Variants in PTPRK observed in about 807,000 individuals in gnomAD.
PTPRK encodes the protein receptor-type tyrosine-protein phosphatase kappa.
Under a neutral mutation model 178.0 loss-of-function variants are expected in PTPRK, and 75 were observed. The observed-to-expected ratio is 0.42, with a 90% CI of 0.35 to 0.51. The LOEUF (loss-of-function observed/expected upper bound fraction) is 0.51, where lower values mean the gene tolerates loss of function less well. Ranked by LOEUF, PTPRK falls within the 20% of genes least tolerant of loss-of-function variation. The pLI is 0.02. For synonymous variants in PTPRK, 637 were observed against 620.6 expected (o/e 1.03, Z -0.39); for missense variants, 1,441 against 1,797.8 (o/e 0.80, Z 3.59).
intron 13 of PTPRK, among the ~76,000 whole-genome samples, chr6:128,029,846 T>C (rs919010497): frequency 6.6e-6 from 1 of 152,102 alleles, no homozygotes; most frequent in Non-Finnish European, 1.5e-5. Flanking sequence ...AGAAAGAATC[T>C]ATACTCTCAA....
intron 7 of PTPRK, among the ~76,000 whole-genome samples, chr6:128,132,205 C>T (rs1210314881): frequency 6.6e-6 from 1 of 152,120 alleles, no homozygotes; most frequent in Non-Finnish European, 1.5e-5. Flanking sequence ...GAGATGGAGT[C>T]TCACTGTCAC....
At chr6:128,068,099 C>T (rs548664559) in intron 11 of PTPRK, among the ~76,000 whole-genome samples, 19 of 152,228 alleles carry the variant, frequency 1.2e-4, no homozygotes, top group Non-Finnish European at 2.2e-4. Flanking sequence ...CTGACATTAA[C>T]CAAAGACACA....
rs573131282 is a variant in PTPRK at position 128,142,107 on chromosome 6, AGTATATGCATAT to A, written c.1162+42313_1162+42324del. ...TATACATACATATATGCATATGTCA[AGTATATGCATAT>A]GTATGTGTATATATACATAGACCAC... On this transcript the variant is annotated intron_variant, in intron 7 of 29. Transcript: ENST00000368226. Among the ~76,000 whole-genome samples, 590 of 152,050 alleles carry A rather than the reference AGTATATGCATAT, an allele frequency of 3.9e-3. 4 individuals are homozygous for A. Among genetic ancestry groups the A allele is most frequent in the African/African-American group, 0.013 (545 of 41,536 alleles).
intron 3 of PTPRK, among the ~76,000 whole-genome samples, chr6:128,299,603 G>C (rs1208917891): frequency 6.6e-6 from 1 of 151,674 alleles, no homozygotes; most frequent in Non-Finnish European, 1.5e-5. Context: ...ACAAACCTGA[G>C]AAAAACAAGC....
intron 1 of PTPRK, among the ~76,000 whole-genome samples, chr6:128,399,788 T>C (rs1283770362): frequency 1.3e-5 from 2 of 152,182 alleles, no homozygotes; most frequent in Non-Finnish European, 2.9e-5. Flanking sequence ...ACTACAGGAT[T>C]CTGATTAGCA....
intron 7 of PTPRK, among the ~76,000 whole-genome samples, chr6:128,111,446 A>T (rs1352618952): frequency 6.6e-6 from 1 of 152,180 alleles, no homozygotes; most frequent in Non-Finnish European, 1.5e-5. Flanking sequence ...AAGAGAAAAA[A>T]CAGACTAGCT....
At chr6:128,081,786 C>A (rs976265045) in intron 10 of PTPRK, among the ~76,000 whole-genome samples, 1 of 151,956 alleles carries the variant, frequency 6.6e-6, no homozygotes, top group Non-Finnish European at 1.5e-5. Context: ...TAACTCCTTG[C>A]AAGAATTTAA....
At chr6:128,256,925 A>C (rs955991145) in intron 3 of PTPRK, among the ~76,000 whole-genome samples, 3 of 152,134 alleles carry the variant, frequency 2.0e-5, no homozygotes, top group Non-Finnish European at 2.9e-5. Flanking sequence ...AGTTAGGAAG[A>C]ATAGAACAGA....
Position 128,294,944 on chromosome 6 carries a change from G to C in PTPRK, c.495+27095C>G, listed in dbSNP as rs1258801773. Among the ~76,000 whole-genome samples, 37 of 151,912 alleles carry C rather than the reference G, an allele frequency of 2.4e-4. 1 individual carries two copies. ...GAAACCATAGACTTTGAGGAACAAA[G>C]AGTAATTAAGAAAGACATATGGTTA... On this transcript the variant is annotated intron_variant, in intron 3 of 29. Transcript: ENST00000368226.
At chr6:128,278,300 G>A (rs1340268138) in intron 3 of PTPRK, among the ~76,000 whole-genome samples, 1 of 152,000 alleles carries the variant, frequency 6.6e-6, no homozygotes, top group Non-Finnish European at 1.5e-5. Flanking sequence ...GGGATTACAG[G>A]TGCACACCAC....
At chr6:128,079,089 A>G (rs1245714172) in intron 10 of PTPRK, among the ~76,000 whole-genome samples, 171 bp from the exon 11 acceptor site, 1 of 152,118 alleles carries the variant, frequency 6.6e-6, no homozygotes, top group Non-Finnish European at 1.5e-5. Context: ...CTGGGAACTT[A>G]AAATATCAAA....
chr6:128,306,431 C>T (rs2128314075), intron 3 of PTPRK, among the ~76,000 whole-genome samples: 1 of 152,158 alleles, frequency 6.6e-6, no homozygotes, highest in Non-Finnish European at 1.5e-5. Context: ...TGGGGCTAGA[C>T]AAGAAACAGA....
At chr6:128,005,607 G>C (rs1334728593) in intron 14 of PTPRK, among the ~76,000 whole-genome samples, 1 of 21,108 alleles carries the variant, frequency 4.7e-5, no homozygotes, top group East Asian at 1.4e-3. Flanking sequence ...TGATACTCCT[G>C]GGTAATTAAT....
chr6:128,006,114 C>T, intron 14 of PTPRK: 1 of 1,265,828 alleles, frequency 7.9e-7, no homozygotes, highest in East Asian at 2.5e-5. Context: ...AAAAGCGTGA[C>T]TCTGTCACAT....
chr6:128,396,903 C>T (rs996385823), intron 2 of PTPRK, among the ~76,000 whole-genome samples: 2 of 152,068 alleles, frequency 1.3e-5, no homozygotes, highest in South Asian at 2.1e-4. Flanking sequence ...GAGGCTAAGG[C>T]AGGGGAATCA....
chr6:128,347,572 T>C (rs1442865957), intron 2 of PTPRK, among the ~76,000 whole-genome samples: 2 of 152,136 alleles, frequency 1.3e-5, no homozygotes, highest in African/African-American at 4.8e-5. Flanking sequence ...TTTATGGTTT[T>C]CATTTAAACT....
At chr6:128,231,128 A>G (rs1294627321) in intron 5 of PTPRK, among the ~76,000 whole-genome samples, 1 of 152,250 alleles carries the variant, frequency 6.6e-6, no homozygotes, top group African/African-American at 2.4e-5. Context: ...CCAAAATGCC[A>G]GAAAGCAGAA....
In PTPRK at chr6:128,322,214, T is replaced by G; in HGVS notation, c.320A>C (p.Asp107Ala). ...TMKENDTHCI[D>A]FSYLLYSQKG... The stretch of plus-strand genomic sequence containing the variant: ...CTGGCTATATAATAGGTAACTGAAA[T>G]CAATGCAGTGAGTGTCGTTCTCCTT... The change falls in exon 3 of 30, where the codon GAT becomes GCT. Residue 107 changes from aspartate to alanine, a missense_variant. By Grantham distance (126) the Asp-to-Ala change is moderately radical. Around this residue, in one of 4 missense-constraint regions of PTPRK, gnomAD observed 158 missense variants for 188.0 expected, o/e 0.84. Transcript: ENST00000368226. 1 of 1,613,816 alleles carries G rather than the reference T, an allele frequency of 6.2e-7. No individual in the cohort carries two copies. The highest frequency in any genetic ancestry group is 8.5e-7 in the Non-Finnish European group (1 of 1,179,808).
Position 128,067,533 on chromosome 6 carries a change from T to C in PTPRK, c.2143A>G (p.Ser715Gly). The C allele has an allele frequency of 1.3e-6, 2 of 1,561,004 alleles. No individual in the cohort carries two copies. The highest frequency in any genetic ancestry group is 1.7e-6 in the Non-Finnish European group (2 of 1,146,334). Residue 715 changes from serine to glycine, a missense_variant, in exon 12 of 30, where the codon AGC (serine) becomes GGC (glycine). By Grantham distance (56) the Ser-to-Gly change is moderately conservative. Transcript: ENST00000368226. ...KGYNIYFQAM[S>G]SVEKETKTQC... ...AGGAAGCTCACCTTCTCCACACTGC[T>C]CATCGCCTGGAAATAGATGTTGTAT...
Sources: gnomAD v4.1 joint callset for allele counts (sites outside exome capture counted in the v4.1 genomes callset) on GRCh38, gnomAD v4.1.1 for gene constraint, gnomAD v4.1.1 regional missense constraint, MANE v1.5 for transcripts, NCBI Gene and HGNC (gene_info 2026-07-23, HGNC 2026-07-21) for gene names.